GNA11: variants seen among roughly 807,000 people sequenced by gnomAD.
The protein encoded by GNA11 is guanine nucleotide-binding protein subunit alpha-11.
In GNA11, 8 loss-of-function variants were observed where a neutral mutation model predicts 38.2. The observed-to-expected ratio is 0.21, with a 90% CI of 0.12 to 0.38. GNA11 has a LOEUF of 0.38. GNA11 is among the 10% of genes least tolerant of loss of function. The pLI, the probability that GNA11 is intolerant of heterozygous loss-of-function variation, is 1.00. For synonymous variants in GNA11, 211 were observed against 221.4 expected, an observed-to-expected ratio of 0.95 and a Z score of 0.42; for missense variants, 268 against 516.3, an observed-to-expected ratio of 0.52 and a Z score of 4.66.
chr19:3,119,164 G>T lies in GNA11; in HGVS notation c.736-42G>T. 1 of 1,609,826 alleles carries T rather than the reference G, an allele frequency of 6.2e-7. No homozygotes were observed. The highest frequency in any genetic ancestry group is 8.5e-7 in the Non-Finnish European group (1 of 1,177,238). ...AGCTGCCCCTTGGGCTGTGTGCAGT[G>T]GGGAGGGCCCCTCTGATTCCCTCTG... On this transcript the variant is annotated intron_variant, in intron 5 of 6. Transcript: ENST00000078429. This position sits in a 1 kb window ranked among gnomAD's most constrained non-coding sequence, Gnocchi z 4.6.
intron 4 of GNA11, chr19:3,115,367 T>TG: frequency 3.0e-6 from 1 of 337,978 alleles, no homozygotes; most frequent in Non-Finnish European, 5.5e-6. Flanking sequence ...ATGGCACCAC[T>TG]GGACTCCAGC....
intron 1 of GNA11, among the ~76,000 whole-genome samples, chr19:3,101,223 G>C (rs1337743741): frequency 6.6e-6 from 1 of 152,208 alleles, no homozygotes; most frequent in Non-Finnish European, 1.5e-5. Context: ...ATTGTTAACC[G>C]TGTCCACACT....
chr19:3,118,981 G>A lies in GNA11; in HGVS notation c.663G>A (p.Glu221=), dbSNP rs757393272. ...SERRKWIHCF[E]NVTSIMFLVA... ...GGAGGAAGTGGATCCACTGCTTTGAGAACGTGACATCCATCATGTTTCTCG... is the reference window on the plus strand; with the variant it reads ...GGAGGAAGTGGATCCACTGCTTTGAAAACGTGACATCCATCATGTTTCTCG... The change falls in exon 5 of 7, where the codon GAG becomes GAA. Residue 221 remains glutamate (E), a synonymous_variant. Transcript: ENST00000078429. The A allele has an allele frequency of 3.7e-6, 6 of 1,613,224 alleles. No individual in the cohort carries two copies. Among genetic ancestry groups the A allele is most frequent in the South Asian group, 1.1e-5 (1 of 91,074 alleles).
rs530344121 is a variant in GNA11 at position 3,119,788 on chromosome 19, G to T, written c.889+429G>T. Among the ~76,000 whole-genome samples, 8 of 151,942 alleles carry T rather than the reference G, an allele frequency of 5.3e-5. No homozygotes were observed. The South Asian group carries it at 1.7e-3, about 31-fold the overall frequency. ...ATATGGGAGGGGTCTCACAGGAAGG[G>T]TTCACGCACACTGCCAGCGCAGCCC... On this transcript the variant is annotated intron_variant, in intron 6 of 6. Transcript: ENST00000078429. The surrounding 1 kb of genome is among the most constrained non-coding windows in gnomAD (Gnocchi z 4.6).
At chr19:3,111,041 G>A (rs745742632) in intron 2 of GNA11, among the ~76,000 whole-genome samples, 1 of 151,886 alleles carries the variant, frequency 6.6e-6, no homozygotes, top group Admixed American at 6.6e-5. Context: ...CAGTCCTCCC[G>A]CTTTGGCCTC....
chr19:3,097,428 A>T (rs929941482), intron 1 of GNA11, among the ~76,000 whole-genome samples: 1 of 151,866 alleles, frequency 6.6e-6, no homozygotes, highest in Non-Finnish European at 1.5e-5. Context: ...CTGCCACCAC[A>T]CCCCTGTGGC....
rs1026946259 is a variant in GNA11, at chr19:3,108,385, G to A, written c.137-1764G>A. Among the ~76,000 whole-genome samples the A allele has an allele frequency of 1.2e-4, 19 of 152,210 alleles. No homozygotes were observed. Among genetic ancestry groups the A allele is most frequent in the Admixed American group, 5.9e-4 (9 of 15,284 alleles). ...TAGAGCAGAGGCTGTGAGAGGAAGTGAGCTGGGTCCCAGCACCAGGCAGCC... is the reference window on the plus strand; with the variant it reads ...TAGAGCAGAGGCTGTGAGAGGAAGTAAGCTGGGTCCCAGCACCAGGCAGCC... On this transcript the variant is annotated intron_variant, in intron 1 of 6. Coordinates refer to ENST00000078429, the MANE Select transcript of GNA11 (RefSeq NM_002067.5). This position sits in a 1 kb window ranked among gnomAD's most constrained non-coding sequence, Gnocchi z 4.5.
chr19:3,119,613 G>C lies in GNA11; in HGVS notation c.889+254G>C, dbSNP rs1346504327. Among the ~76,000 whole-genome samples the C allele has an allele frequency of 6.6e-6, 1 of 151,408 alleles. No homozygotes were observed. Among genetic ancestry groups the C allele is most frequent in the Non-Finnish European group, 1.5e-5 (1 of 67,790 alleles). ...TAATGCAGGGACTCCTTATACAGGA[G>C]GGGTCTCGGGTGGGAGGGGTCTCGG... On this transcript the variant is annotated intron_variant, in intron 6 of 6. Coordinates refer to ENST00000078429, the MANE Select transcript of GNA11 (RefSeq NM_002067.5). The surrounding 1 kb of genome is among the most constrained non-coding windows in gnomAD (Gnocchi z 4.6).
rs1186019142 is a variant in GNA11, at chr19:3,122,656, G to A, written c.*1477G>A. 10 of 233,376 alleles carry A rather than the reference G, an allele frequency of 4.3e-5. No individual in the cohort carries two copies. In the Admixed American group the frequency reaches 5.6e-4, roughly 13 times the overall value. The allele number at this position is 233,376 out of a possible 1,614,324, so 14.5% of individuals were successfully genotyped here. Reference sequence around the variant, plus strand: ...GCTTCGCACAGCTGTCCCAGGGATGGATCGCCTGTGCTGCCTTCGCCCGCC... The same window carrying A: ...GCTTCGCACAGCTGTCCCAGGGATGAATCGCCTGTGCTGCCTTCGCCCGCC... On this transcript the variant is annotated 3_prime_UTR_variant, in exon 7 of 7. Transcript: ENST00000078429. The surrounding 1 kb of genome is among the most constrained non-coding windows in gnomAD (Gnocchi z 7.7).
At position 3,122,457 on chromosome 19, in the gene GNA11, C is replaced by T. The variant is rs1234449415; in HGVS notation, c.*1278C>T. The T allele has an allele frequency of 6.0e-5, 14 of 231,554 alleles. No individual in the cohort carries two copies. Among genetic ancestry groups the T allele is most frequent in the Middle Eastern group, 1.3e-3 (1 of 780 alleles). 14.3% of individuals were successfully genotyped at this position (231,554 alleles called of 1,614,324 possible). A position where few individuals can be genotyped will look rare whatever the true frequency, so the allele number is the denominator to read the frequency against. Reference sequence around the variant, plus strand: ...GCCCGAGGGGGAGCCCGCCAGGCCACGCCGCACTGAGCCACAGCCCCGGGG... The same window carrying T: ...GCCCGAGGGGGAGCCCGCCAGGCCATGCCGCACTGAGCCACAGCCCCGGGG... On this transcript the variant is annotated 3_prime_UTR_variant, in exon 7 of 7. Transcript: ENST00000078429. This position sits in a 1 kb window ranked among gnomAD's most constrained non-coding sequence, Gnocchi z 7.7.
intron 1 of GNA11, among the ~76,000 whole-genome samples, chr19:3,097,277 G>T (rs1272581887): frequency 6.6e-6 from 1 of 152,112 alleles, no homozygotes; most frequent in African/African-American, 2.4e-5. Flanking sequence ...CTGGCACTCC[G>T]CAGGAGGCCC....
Position 3,121,494 on chromosome 19 carries a change from A to C in GNA11, c.*315A>C. 4.0e-6 allele frequency: 1 copy of C among 250,030 alleles called. No homozygotes were observed. Among genetic ancestry groups the C allele is most frequent in the Non-Finnish European group, 7.7e-6 (1 of 129,650 alleles). The allele number at this position is 250,030 out of a possible 1,614,324, so 15.5% of individuals were successfully genotyped here. On this transcript the variant is annotated 3_prime_UTR_variant, in exon 7 of 7. Coordinates refer to ENST00000078429, the MANE Select transcript of GNA11 (RefSeq NM_002067.5). Reference sequence around the variant, plus strand: ...AAGAAAGAAAGAAAAAAAGCAACGAAACATAAAACACACAAGCGCCCCGTG... The same window carrying C: ...AAGAAAGAAAGAAAAAAAGCAACGACACATAAAACACACAAGCGCCCCGTG...
chr19:3,102,985 C>T (rs76359103), intron 1 of GNA11, among the ~76,000 whole-genome samples: 7,241 of 152,274 alleles, frequency 0.048, 491 homozygotes, highest in Admixed American at 0.18. Context: ...GCCTTGCTCC[C>T]GGTGTGTGCA....
Position 3,094,862 on chromosome 19 carries a change from CGG to C in GNA11, c.136+77_136+78del. The C allele has an allele frequency of 8.7e-7, 1 of 1,145,418 alleles. No homozygotes were observed. The highest frequency in any genetic ancestry group is 1.2e-6 in the Non-Finnish European group (1 of 861,084). The allele number at this position is 1,145,418 out of a possible 1,614,324, so 71.0% of individuals were successfully genotyped here. A position where few individuals can be genotyped will look rare whatever the true frequency, so the allele number is the denominator to read the frequency against. On this transcript the variant is annotated intron_variant, in intron 1 of 6. Coordinates refer to ENST00000078429, the MANE Select transcript of GNA11 (RefSeq NM_002067.5). This position sits in a 1 kb window ranked among gnomAD's most constrained non-coding sequence, Gnocchi z 6.0. ...CCTGCCCTGCCTGTCCGGGTCGGGC[CGG>C]GACCCTCCGGGGTCAGCCCTGCCTG...
chr19:3,110,173 C>T lies in GNA11; in HGVS notation c.161C>T (p.Thr54Met), dbSNP rs1335558363. The change falls in exon 2 of 7, where the codon ACG becomes ATG. Residue 54 changes from threonine (T) to methionine (M), a missense_variant. Physicochemically the swap from Thr to Met is moderately conservative, Grantham distance 81. Transcript: ENST00000078429. This position sits in a 1 kb window ranked among gnomAD's most constrained non-coding sequence, Gnocchi z 5.4. The part of the protein sequence containing the change: ...LLGTGESGKS[T>M]FIKQMRIIHG... Reference sequence around the variant, plus strand: ...GGCACGGGCGAGAGCGGGAAGAGCACGTTCATCAAGCAGATGCGCATCATC... The same window carrying T: ...GGCACGGGCGAGAGCGGGAAGAGCATGTTCATCAAGCAGATGCGCATCATC... 1.2e-6 allele frequency: 2 copies of T among 1,611,964 alleles called. No individual in the cohort carries two copies. Among genetic ancestry groups the T allele is most frequent in the South Asian group, 1.1e-5 (1 of 90,830 alleles).
chr19:3,112,546 C>T (rs1255120150), intron 2 of GNA11, among the ~76,000 whole-genome samples: 2 of 152,240 alleles, frequency 1.3e-5, no homozygotes, highest in Non-Finnish European at 1.5e-5. Flanking sequence ...GATGGCCCCC[C>T]CACAGTGTCT....
intron 3 of GNA11, 146 bp downstream of exon 3, chr19:3,113,630 G>A (rs1913836326): frequency 3.3e-5 from 20 of 614,930 alleles, no homozygotes; most frequent in South Asian, 6.0e-5. Context: ...CCACCTGGCC[G>A]GATGGAGGGA....
chr19:3,099,365 G>A (rs972525677), intron 1 of GNA11, among the ~76,000 whole-genome samples: 1 of 152,194 alleles, frequency 6.6e-6, no homozygotes, highest in South Asian at 2.1e-4. Flanking sequence ...GACTGAGAGC[G>A]GTGGATGCGA....
chr19:3,110,351 T>G lies in GNA11; in HGVS notation c.321+18T>G, dbSNP rs11085000. ...AGAACAAGGTGAGCCCGCGGGCGCC[T>G]GGGGAGGGGAGCGCCTGGGCAGCTG... is the stretch of plus-strand genomic sequence containing the variant. On this transcript the variant is annotated intron_variant, in intron 2 of 6. Transcript: ENST00000078429. This position sits in a 1 kb window ranked among gnomAD's most constrained non-coding sequence, Gnocchi z 5.4. 715,162 of 1,592,064 alleles carry G rather than the reference T, an allele frequency of 0.45. 164,435 individuals are homozygous for G. Among genetic ancestry groups the G allele is most frequent in the Non-Finnish European group, 0.48 (555,380 of 1,163,882 alleles).
Sources: gnomAD v4.1 joint callset for allele counts (sites outside exome capture counted in the v4.1 genomes callset) on GRCh38, gnomAD v4.1.1 for gene constraint, Gnocchi (gnomAD v3.1) non-coding constraint, MANE v1.5 for transcripts, NCBI Gene and HGNC (gene_info 2026-07-23, HGNC 2026-07-21) for gene names.